The following MTMR10 variants were observed in gnomAD, a reference collection of about 807,000 sequenced individuals.
The protein encoded by MTMR10 is myotubularin related protein 10, also known as myotubularin-related protein 10.
Under a neutral mutation model 88.1 loss-of-function variants are expected in MTMR10, and 56 were observed. That is an observed-to-expected ratio of 0.64 (90% CI 0.51 to 0.79). MTMR10 has a LOEUF of 0.79. Ranked by LOEUF, MTMR10 falls within the 30% of genes least tolerant of loss-of-function variation. The pLI is 0.00. For missense variants in MTMR10, 883 were observed against 924.7 expected (o/e 0.95, Z 0.58); for synonymous variants, 380 against 340.9 (o/e 1.11, Z -1.26).
intron 3 of MTMR10, 88 bp downstream of exon 3, chr15:30,976,731 C>T (rs1231597559): frequency 7.1e-7 from 1 of 1,407,712 alleles, no homozygotes; most frequent in Non-Finnish European, 9.6e-7. Flanking sequence ...TCTACTATAA[C>T]TTTTCCATAC....
chr15:30,954,974 T>G lies in MTMR10; in HGVS notation c.936-81A>C, dbSNP rs141183707. ...TTAACCCTTACTATAGACCAGGGGA[T>G]AGAGAGAGGAATGAGACAGGTAAGG... On this transcript the variant is annotated intron_variant, in intron 9 of 15. Coordinates refer to ENST00000435680, the MANE Select transcript of MTMR10 (RefSeq NM_017762.3). The G allele has an allele frequency of 3.7e-4, 462 of 1,261,478 alleles. 1 individual carries two copies. In the African/African-American group the frequency reaches 6.5e-3, roughly 18 times the overall value. The allele number at this position is 1,261,478 out of a possible 1,614,324, so 78.1% of individuals were successfully genotyped here. A position where few individuals can be genotyped will look rare whatever the true frequency, so the allele number is the denominator to read the frequency against.
At chr15:30,951,124 C>T (rs2063239732) in intron 12 of MTMR10, among the ~76,000 whole-genome samples, 1 of 152,212 alleles carries the variant, frequency 6.6e-6, no homozygotes, top group Admixed American at 6.5e-5. Flanking sequence ...ACTTTATCTG[C>T]AAACTTACAA....
At chr15:30,986,576 C>T (rs1023824087) in intron 2 of MTMR10, among the ~76,000 whole-genome samples, 1 of 151,988 alleles carries the variant, frequency 6.6e-6, no homozygotes, top group Non-Finnish European at 1.5e-5. Flanking sequence ...AGTATCTATT[C>T]CAAGTAAGTT....
At chr15:30,964,795 T>C (rs571319706) in intron 6 of MTMR10, among the ~76,000 whole-genome samples, 1 of 152,336 alleles carries the variant, frequency 6.6e-6, no homozygotes, top group South Asian at 2.1e-4. Flanking sequence ...AGATATTATA[T>C]GCTCCTGACC....
chr15:30,984,966 T>G (rs1182270962), intron 2 of MTMR10, among the ~76,000 whole-genome samples: 1 of 152,190 alleles, frequency 6.6e-6, no homozygotes, highest in African/African-American at 2.4e-5. Flanking sequence ...ATCTCTCCAG[T>G]GAACTGAAAC....
At chr15:30,971,822 T>C (rs1353980878) in intron 5 of MTMR10, among the ~76,000 whole-genome samples, 4 of 152,194 alleles carry the variant, frequency 2.6e-5, no homozygotes, top group South Asian at 2.1e-4. Flanking sequence ...AAATTCCTTC[T>C]TTCTTTATAC....
chr15:30,959,239 A>C (rs1364051753), intron 7 of MTMR10, 118 bp from the exon 8 acceptor site: 1 of 888,422 alleles, frequency 1.1e-6, no homozygotes, highest in African/African-American at 1.7e-5. Flanking sequence ...CCCACTTAGT[A>C]GCCACATGGT....
chr15:30,920,571 T>G, the MTMR10 span: 1 of 1,612,182 alleles, frequency 6.2e-7, no homozygotes, highest in Non-Finnish European at 8.5e-7. Context: ...CCACTCTTCC[T>G]GCGGTGTTTC....
intron 5 of MTMR10, among the ~76,000 whole-genome samples, chr15:30,969,888 C>A (rs2063517015): frequency 6.6e-6 from 1 of 152,126 alleles, no homozygotes; most frequent in Non-Finnish European, 1.5e-5. Flanking sequence ...AATCCTACTC[C>A]TCTTAGCCAA....
intron 5 of MTMR10, among the ~76,000 whole-genome samples, chr15:30,971,298 G>A (rs1411105236): frequency 6.6e-6 from 1 of 152,028 alleles, no homozygotes; most frequent in Non-Finnish European, 1.5e-5. Context: ...TCAATTTTTG[G>A]ACCAAAGCTG....
rs772219925 is a variant in MTMR10, at chr15:30,942,973, T to C, written c.1648A>G (p.Thr550Ala). ...ATGTAGAAGGGGTTATGGAAAAGGG[T>C]GCGATCCTTTGCTGTAAACTGGAGA... is the stretch of plus-strand genomic sequence containing the variant. ...WSLQFTAKDR[T>A]LFHNPFYIGK... Residue 550 changes from threonine to alanine, a missense_variant, in exon 15 of 16, where the codon ACC becomes GCC. Transcript: ENST00000435680. 6.4e-7 allele frequency: 1 copy of C among 1,555,898 alleles called. No individual in the cohort carries two copies. The highest frequency in any genetic ancestry group is 1.9e-5 in the Admixed American group (1 of 51,386).
the MTMR10 span, among the ~76,000 whole-genome samples, chr15:30,932,858 G>A: frequency 6.6e-6 from 1 of 150,828 alleles, no homozygotes; most frequent in Non-Finnish European, 1.5e-5. Context: ...GATTACAGCT[G>A]TGCACCACCA....
the MTMR10 span, among the ~76,000 whole-genome samples, chr15:30,931,474 G>C: frequency 6.6e-6 from 1 of 152,158 alleles, no homozygotes. Flanking sequence ...CATGCTTTTG[G>C]TGTCACATGT....
At chr15:30,920,742 T>C in the MTMR10 span, 2 of 756,610 alleles carry the variant, frequency 2.6e-6, no homozygotes, top group South Asian at 1.8e-5. Flanking sequence ...CAGCATTTCC[T>C]GCTTATTTGG....
At chr15:30,930,287 G>A in the MTMR10 span, among the ~76,000 whole-genome samples, 56 of 152,026 alleles carry the variant, frequency 3.7e-4, no homozygotes, top group East Asian at 1.9e-4. Context: ...CTTCCTCAGC[G>A]CTCCCCAGCA....
At chr15:30,925,088 T>G in the MTMR10 span, 1 of 1,563,654 alleles carries the variant, frequency 6.4e-7, no homozygotes, top group Non-Finnish European at 8.7e-7. Context: ...CGCCATGGGT[T>G]TTTTTAGGAG....
the MTMR10 span, among the ~76,000 whole-genome samples, chr15:30,933,371 C>G: frequency 6.6e-6 from 1 of 152,192 alleles, no homozygotes; most frequent in South Asian, 2.1e-4. Flanking sequence ...TTTGACTCTT[C>G]TTTGATCCTT....
chr15:30,950,163 A>ATG (rs906301255), intron 12 of MTMR10: 1 of 152,216 alleles, frequency 6.6e-6, no homozygotes, highest in African/African-American at 2.4e-5. Context: ...GAAATGGAGG[A>ATG]TGAGTAGGGT....
At chr15:30,927,853 CA>C in the MTMR10 span, 3 of 985,596 alleles carry the variant, frequency 3.0e-6, no homozygotes, top group African/African-American at 5.2e-5. Flanking sequence ...CCTCATCCCA[CA>C]CCAGACCCTG....
Sources: allele counts gnomAD v4.1 joint callset (sites outside exome capture counted in the v4.1 genomes callset), GRCh38; gene constraint gnomAD v4.1.1; transcripts MANE v1.5; gene names NCBI Gene and HGNC (gene_info 2026-07-23, HGNC 2026-07-21).